The following MGAT4C variants were observed in gnomAD, a reference collection of about 807,000 sequenced individuals.
MGAT4C encodes the protein alpha-1,3-mannosyl-glycoprotein 4-beta-N-acetylglucosaminyltransferase C.
MGAT4C carries 19 observed loss-of-function variants against 40.1 expected under a neutral mutation model. That is an observed-to-expected ratio of 0.47 (90% CI 0.33 to 0.70). The LOEUF (loss-of-function observed/expected upper bound fraction) is 0.70, where lower values mean the gene tolerates loss of function less well. Among genes scored for constraint, MGAT4C ranks in the 30% least tolerant of loss-of-function variants. The pLI, the probability that MGAT4C is intolerant of heterozygous loss-of-function variation, is 0.02. For synonymous variants in MGAT4C, 181 were observed against 187.1 expected, an observed-to-expected ratio of 0.97 and a Z score of 0.27; for missense variants, 491 against 563.2, an observed-to-expected ratio of 0.87 and a Z score of 1.30.
intron 3 of MGAT4C, among the ~76,000 whole-genome samples, chr12:86,411,205 G>A (rs1223167717): frequency 2.0e-5 from 3 of 152,138 alleles, no homozygotes; most frequent in African/African-American, 7.2e-5. Flanking sequence ...ACCTTAAAAC[G>A]TGTAAGCAAC....
intron 2 of MGAT4C, among the ~76,000 whole-genome samples, chr12:86,660,786 T>C (rs1963962318): frequency 1.3e-5 from 2 of 152,154 alleles, no homozygotes; most frequent in African/African-American, 4.8e-5. Flanking sequence ...AGGGAGGGTT[T>C]GTTCCTAGTT....
chr12:86,675,729 T>C (rs1053147712), intron 2 of MGAT4C, among the ~76,000 whole-genome samples: 2 of 152,294 alleles, frequency 1.3e-5, no homozygotes, highest in East Asian at 3.9e-4. Flanking sequence ...ATGTTGGGGA[T>C]GCATGTAATA....
intron 4 of MGAT4C, among the ~76,000 whole-genome samples, chr12:86,323,303 T>C (rs1335875188): frequency 6.6e-6 from 1 of 151,820 alleles, no homozygotes; most frequent in Non-Finnish European, 1.5e-5. Context: ...TCTCTAAAGT[T>C]ACATGAATTC....
rs1305042869 is a variant in MGAT4C, at chr12:85,964,167, G to A, written c.*15122C>T. On this transcript the variant is annotated 3_prime_UTR_variant, in exon 5 of 5. Transcript: ENST00000611864. ...TTATGAAAGATTATAAAACACCAATGATTAGATTATGTTATAAAGACACTA... is the reference window on the plus strand; with the variant it reads ...TTATGAAAGATTATAAAACACCAATAATTAGATTATGTTATAAAGACACTA... 2 of 152,040 alleles carry A rather than the reference G, an allele frequency of 1.3e-5. No homozygotes were observed. The highest frequency in any genetic ancestry group is 2.9e-5 in the Non-Finnish European group (2 of 67,924). The allele number at this position is 152,040 out of a possible 1,614,324, so 9.4% of individuals were successfully genotyped here. A position where few individuals can be genotyped will look rare whatever the true frequency, so the allele number is the denominator to read the frequency against.
At chr12:86,445,863 T>C (rs1434234818) in intron 2 of MGAT4C, among the ~76,000 whole-genome samples, 1 of 152,158 alleles carries the variant, frequency 6.6e-6, no homozygotes, top group Non-Finnish European at 1.5e-5. Context: ...GTAGTCAATC[T>C]ACTGATTATC....
intron 1 of MGAT4C, among the ~76,000 whole-genome samples, chr12:86,099,707 T>C (rs1874614478): frequency 6.6e-6 from 1 of 151,472 alleles, no homozygotes; most frequent in South Asian, 2.1e-4. Flanking sequence ...TATTTGTTGT[T>C]TATTTTGTTC....
intron 2 of MGAT4C, among the ~76,000 whole-genome samples, chr12:86,529,818 T>G (rs1476414176): frequency 6.6e-6 from 1 of 151,966 alleles, no homozygotes; most frequent in African/African-American, 2.4e-5. Context: ...CATGAGGGAT[T>G]CATTCCAGGA....
chr12:86,481,995 C>A (rs1254466026), intron 2 of MGAT4C, among the ~76,000 whole-genome samples: 2 of 150,660 alleles, frequency 1.3e-5, no homozygotes, highest in East Asian at 2.0e-4. Flanking sequence ...ATTAAAATAT[C>A]CCTGATAGTG....
intron 2 of MGAT4C, among the ~76,000 whole-genome samples, chr12:86,670,060 A>T (rs1024693967): frequency 1.3e-5 from 2 of 152,226 alleles, no homozygotes; most frequent in African/African-American, 4.8e-5. Context: ...AAAAGAAAAA[A>T]AAACACCTGA....
intron 2 of MGAT4C, among the ~76,000 whole-genome samples, chr12:86,624,235 A>T: frequency 6.6e-6 from 1 of 152,182 alleles, no homozygotes; most frequent in East Asian, 1.9e-4. Flanking sequence ...TCCACAGGGG[A>T]CTCTGAGTAC....
rs553327319 is a variant in MGAT4C at position 86,675,303 on chromosome 12, G to T, written c.-229+51906C>A. On this transcript the variant is annotated intron_variant, in intron 2 of 7. Transcript: ENST00000548651. ...AGACTACTCTCTCTTCGTAAAAAGA[G>T]GCCACTACAGGGAATTGACTCTTAT... Among the ~76,000 whole-genome samples, 20 of 152,234 alleles carry T rather than the reference G, an allele frequency of 1.3e-4. No individual in the cohort carries two copies. The East Asian group carries it at 3.9e-3, about 29-fold the overall frequency.
At chr12:86,566,565 TA>T (rs1960121936) in intron 2 of MGAT4C, among the ~76,000 whole-genome samples, 4 of 130,982 alleles carry the variant, frequency 3.1e-5, no homozygotes, top group Non-Finnish European at 6.5e-5. Context: ...TATATATATA[TA>T]TATATATATG....
At chr12:86,314,403 T>C (rs1210956816) in intron 4 of MGAT4C, among the ~76,000 whole-genome samples, 1 of 152,132 alleles carries the variant, frequency 6.6e-6, no homozygotes, top group Non-Finnish European at 1.5e-5. Flanking sequence ...GTATGCTCAC[T>C]CTGAACACTC....
chr12:86,537,464 T>C (rs1029962470), intron 2 of MGAT4C, among the ~76,000 whole-genome samples: 1 of 152,128 alleles, frequency 6.6e-6, no homozygotes, highest in Non-Finnish European at 1.5e-5. Flanking sequence ...ACAGTATTGA[T>C]AGTAACTCAG....
intron 3 of MGAT4C, among the ~76,000 whole-genome samples, chr12:86,361,846 G>C (rs529843527): frequency 6.6e-6 from 1 of 152,226 alleles, no homozygotes; most frequent in African/African-American, 2.4e-5. Flanking sequence ...ACAGGTGCTG[G>C]AGAAAATGTG....
intron 3 of MGAT4C, among the ~76,000 whole-genome samples, chr12:86,380,005 T>A (rs1184061628): frequency 6.6e-6 from 1 of 152,122 alleles, no homozygotes; most frequent in Non-Finnish European, 1.5e-5. Context: ...CCTTTCACTC[T>A]ATGAATTTTA....
chr12:86,027,109 C>A (rs936519016), intron 2 of MGAT4C, among the ~76,000 whole-genome samples: 1 of 151,750 alleles, frequency 6.6e-6, no homozygotes, highest in African/African-American at 2.4e-5. Context: ...CAAGAAATAA[C>A]GAATTTTTCA....
At chr12:86,020,661 A>C (rs1226690459) in intron 2 of MGAT4C, among the ~76,000 whole-genome samples, 1 of 152,236 alleles carries the variant, frequency 6.6e-6, no homozygotes, top group African/African-American at 2.4e-5. Flanking sequence ...AATACCATCC[A>C]GGACATAGGC....
chr12:86,269,709 T>C (rs1952893367), intron 4 of MGAT4C, among the ~76,000 whole-genome samples: 3 of 152,108 alleles, frequency 2.0e-5, no homozygotes, highest in East Asian at 1.9e-4. Flanking sequence ...ACTTGGCATA[T>C]AGGTGAGCAC....
Sources: gnomAD v4.1 joint callset for allele counts (sites outside exome capture counted in the v4.1 genomes callset) on GRCh38, gnomAD v4.1.1 for gene constraint, MANE v1.5 for transcripts, NCBI Gene and HGNC (gene_info 2026-07-23, HGNC 2026-07-21) for gene names.